Variants in PPP1R14C observed in about 807,000 individuals in gnomAD.
PPP1R14C encodes protein phosphatase 1 regulatory inhibitor subunit 14C.
Under a neutral mutation model 20.4 loss-of-function variants are expected in PPP1R14C, and 16 were observed. That is an observed-to-expected ratio of 0.78 (90% CI 0.53 to 1.19). The LOEUF is 1.19. Among genes scored for constraint, PPP1R14C ranks in the 50% most tolerant of loss-of-function variants. PPP1R14C has a pLI of 0.00. For missense variants in PPP1R14C, 211 were observed against 220.1 expected, an observed-to-expected ratio of 0.96 and a Z score of 0.26; for synonymous variants, 91 against 91.0, an observed-to-expected ratio of 1.00 and a Z score of 0.00.
At chr6:150,191,130 GTTC>G (rs2114887724) in intron 1 of PPP1R14C, among the ~76,000 whole-genome samples, 1 of 152,226 alleles carries the variant, frequency 6.6e-6, no homozygotes, top group Non-Finnish European at 1.5e-5. Flanking sequence ...TGTCTGGAAC[GTTC>G]TTCTACATGG....
At chr6:150,155,974 A>G (rs1777300786) in intron 1 of PPP1R14C, among the ~76,000 whole-genome samples, 1 of 146,336 alleles carries the variant, frequency 6.8e-6, no homozygotes, top group Non-Finnish European at 1.5e-5. Flanking sequence ...GTAGTGAGCC[A>G]AGATCGCACC....
chr6:150,236,341 G>A (rs1778360010), intron 3 of PPP1R14C, among the ~76,000 whole-genome samples: 1 of 152,168 alleles, frequency 6.6e-6, no homozygotes, highest in South Asian at 2.1e-4. Flanking sequence ...ACTGTGCCAA[G>A]CAAACTAGAA....
intron 1 of PPP1R14C, among the ~76,000 whole-genome samples, chr6:150,173,867 G>GT (rs1777527019): frequency 6.6e-6 from 1 of 152,008 alleles, no homozygotes; most frequent in South Asian, 2.1e-4. Flanking sequence ...AGCCTCGTGA[G>GT]TTCTGCTCAC....
intron 1 of PPP1R14C, among the ~76,000 whole-genome samples, chr6:150,162,252 G>T (rs1178538544): frequency 6.6e-6 from 1 of 151,908 alleles, no homozygotes; most frequent in Non-Finnish European, 1.5e-5. Flanking sequence ...ACGGGGTTTC[G>T]CCATGTTGGC....
chr6:150,225,227 G>A (rs991501696), intron 3 of PPP1R14C, among the ~76,000 whole-genome samples: 3 of 152,146 alleles, frequency 2.0e-5, no homozygotes, highest in African/African-American at 4.8e-5. Context: ...TTTTTATCTC[G>A]TCCTGCTGGA....
intron 1 of PPP1R14C, among the ~76,000 whole-genome samples, chr6:150,188,335 C>T (rs1242747434): frequency 6.6e-6 from 1 of 152,150 alleles, no homozygotes; most frequent in Non-Finnish European, 1.5e-5. Flanking sequence ...GTTTATACAA[C>T]ACATTCTAAA....
At chr6:150,156,082 A>G (rs1461882006) in intron 1 of PPP1R14C, among the ~76,000 whole-genome samples, 3 of 150,228 alleles carry the variant, frequency 2.0e-5, no homozygotes, top group Non-Finnish European at 4.4e-5. Context: ...ATTCAAATCC[A>G]TTATCTCTGA....
At chr6:150,174,892 G>A (rs1024735831) in intron 1 of PPP1R14C, among the ~76,000 whole-genome samples, 2 of 151,844 alleles carry the variant, frequency 1.3e-5, no homozygotes, top group Non-Finnish European at 2.9e-5. Flanking sequence ...CTTGAACCCG[G>A]GAGGCGGAGG....
intron 3 of PPP1R14C, among the ~76,000 whole-genome samples, chr6:150,242,228 A>G (rs1477768961): frequency 1.3e-5 from 2 of 148,294 alleles, no homozygotes; most frequent in African/African-American, 5.0e-5. Flanking sequence ...CTCTACATAA[A>G]CTCTTCCAGA....
At chr6:150,204,763 C>T (rs1777923249) in intron 1 of PPP1R14C, among the ~76,000 whole-genome samples, 1 of 152,218 alleles carries the variant, frequency 6.6e-6, no homozygotes, top group Admixed American at 6.5e-5. Context: ...TCTCCAAACT[C>T]CATGCTCTGG....
At chr6:150,188,262 GT>G (rs1364027408) in intron 1 of PPP1R14C, among the ~76,000 whole-genome samples, 2 of 152,124 alleles carry the variant, frequency 1.3e-5, no homozygotes, top group African/African-American at 4.8e-5. Flanking sequence ...TGGTTTGATG[GT>G]GAAATAATGT....
At chr6:150,163,174 G>A (rs1015296309) in intron 1 of PPP1R14C, among the ~76,000 whole-genome samples, 3 of 152,226 alleles carry the variant, frequency 2.0e-5, no homozygotes, top group Admixed American at 6.5e-5. Context: ...GGCGGATCAC[G>A]AGGTCAGGAG....
At chr6:150,228,558 T>C (rs935969026) in intron 3 of PPP1R14C, among the ~76,000 whole-genome samples, 4 of 152,190 alleles carry the variant, frequency 2.6e-5, no homozygotes, top group Admixed American at 1.3e-4. Context: ...TCCAGAGTTT[T>C]TACTGGGGCT....
At chr6:150,224,003 G>A (rs1024972990) in intron 3 of PPP1R14C, among the ~76,000 whole-genome samples, 2 of 152,150 alleles carry the variant, frequency 1.3e-5, no homozygotes, top group Admixed American at 6.5e-5. Flanking sequence ...AGGTCCATGT[G>A]CGATCCATTT....
Position 150,143,486 on chromosome 6 carries a change from C to G in PPP1R14C, c.294C>G (p.Leu98=), listed in dbSNP as rs542443897. The change falls in exon 1 of 4, where the codon CTC becomes CTG. Residue 98 remains leucine (L), a synonymous_variant. Coordinates refer to ENST00000361131, the MANE Select transcript of PPP1R14C (RefSeq NM_030949.3). The surrounding 1 kb of genome is among the most constrained non-coding windows in gnomAD (Gnocchi z 5.6). The stretch of plus-strand genomic sequence containing the variant: ...GGATCGTGGAGCAGCTGGGTCAGCT[C>G]TACGGCTGCGAGGTACCTGGGCGCG... The part of the protein sequence containing the change: ...EEWIVEQLGQ[L]YGCEEEEMPE... The G allele has an allele frequency of 1.3e-6, 2 of 1,575,968 alleles. No homozygotes were observed. The highest frequency in any genetic ancestry group is 2.3e-5 in the East Asian group (1 of 43,218).
intron 1 of PPP1R14C, among the ~76,000 whole-genome samples, chr6:150,177,849 G>A (rs926716715): frequency 6.6e-6 from 1 of 152,186 alleles, no homozygotes; most frequent in African/African-American, 2.4e-5. Flanking sequence ...CCCAACAAGA[G>A]GCCGGGACAG....
intron 3 of PPP1R14C, among the ~76,000 whole-genome samples, chr6:150,243,094 C>A (rs1355163537): frequency 6.6e-6 from 1 of 151,934 alleles, no homozygotes; most frequent in Non-Finnish European, 1.5e-5. Flanking sequence ...GATGTCAGTT[C>A]TCCCCAAATT....
At chr6:150,193,897 C>T (rs1211746685) in intron 1 of PPP1R14C, among the ~76,000 whole-genome samples, 2 of 152,090 alleles carry the variant, frequency 1.3e-5, no homozygotes, top group Non-Finnish European at 2.9e-5. Context: ...TTGGCTGTGT[C>T]CCCACCCAAA....
At chr6:150,193,159 T>C (rs577932038) in intron 1 of PPP1R14C, among the ~76,000 whole-genome samples, 55 of 152,218 alleles carry the variant, frequency 3.6e-4, no homozygotes, top group African/African-American at 1.2e-3. Flanking sequence ...CCAAGACCAG[T>C]GCTTCCCAAA....
Sources: gnomAD v4.1 joint callset for allele counts (sites outside exome capture counted in the v4.1 genomes callset) on GRCh38, gnomAD v4.1.1 for gene constraint, Gnocchi (gnomAD v3.1) non-coding constraint, MANE v1.5 for transcripts, NCBI Gene and HGNC (gene_info 2026-07-23, HGNC 2026-07-21) for gene names.